The following ETV6 variants were observed in gnomAD, a reference collection of about 807,000 sequenced individuals.
The protein encoded by ETV6 is ETS variant transcription factor 6, also known as transcription factor ETV6.
A neutral mutation model predicts 51.1 loss-of-function variants in ETV6; 16 were observed. The ratio of observed to expected loss-of-function variants is 0.31; its 90% CI spans 0.21 to 0.48. The LOEUF (loss-of-function observed/expected upper bound fraction) is 0.48, where lower values mean the gene tolerates loss of function less well. ETV6 is among the 20% of genes least tolerant of loss of function. ETV6 has a pLI of 0.99. For missense variants in ETV6, 458 were observed against 594.8 expected, an observed-to-expected ratio of 0.77 and a Z score of 2.39; for synonymous variants, 240 against 224.1, an observed-to-expected ratio of 1.07 and a Z score of -0.64.
At chr12:11,868,421 TTTTTTTC>T (rs1476635021) in intron 4 of ETV6, among the ~76,000 whole-genome samples, 1 of 145,310 alleles carries the variant, frequency 6.9e-6, no homozygotes, top group Non-Finnish European at 1.5e-5. Flanking sequence ...AGGTTGGGGG[TTTTTTTC>T]TTTTTTCTTC....
chr12:11,723,198 T>A (rs1865424277), intron 1 of ETV6, among the ~76,000 whole-genome samples: 1 of 152,236 alleles, frequency 6.6e-6, no homozygotes, highest in Admixed American at 6.5e-5. Flanking sequence ...TAATATGTGA[T>A]AAGCCCTTAG....
At chr12:11,743,217 T>C (rs1296273254) in intron 1 of ETV6, among the ~76,000 whole-genome samples, 1 of 152,196 alleles carries the variant, frequency 6.6e-6, no homozygotes, top group African/African-American at 2.4e-5. Flanking sequence ...TTACGTTGCT[T>C]TTTAAGTACA....
chr12:11,822,672 T>G lies in ETV6; in HGVS notation c.164-16468T>G, dbSNP rs1326200136. 2.6e-5 allele frequency among the ~76,000 whole-genome samples: 4 copies of G among 152,244 alleles called. No individual in the cohort carries two copies. In the East Asian group the frequency reaches 7.7e-4, roughly 29 times the overall value. On this transcript the variant is annotated intron_variant, in intron 2 of 7. Transcript: ENST00000396373. ...CTAATTTGGGCATTACTAATTCAGA[T>G]GCCTATTCAGGCAAATGAGCAATGA...
chr12:11,765,470 T>C (rs1384272251), intron 2 of ETV6, among the ~76,000 whole-genome samples: 1 of 152,202 alleles, frequency 6.6e-6, no homozygotes, highest in African/African-American at 2.4e-5. Context: ...CTTTTTTTTT[T>C]TTAATGAAGT....
chr12:11,857,705 T>C (rs1026606192), intron 4 of ETV6, among the ~76,000 whole-genome samples: 15 of 152,150 alleles, frequency 9.9e-5, no homozygotes, highest in African/African-American at 3.4e-4. Context: ...TGTGTGAGTA[T>C]GTATGTATAT....
intron 1 of ETV6, among the ~76,000 whole-genome samples, chr12:11,667,202 GA>G (rs1864210911): frequency 6.6e-6 from 1 of 152,216 alleles, no homozygotes; most frequent in African/African-American, 2.4e-5. Flanking sequence ...AAGGCCGATG[GA>G]TAGTAGTTGA....
chr12:11,669,072 C>A (rs1339596558), intron 1 of ETV6, among the ~76,000 whole-genome samples: 1 of 152,218 alleles, frequency 6.6e-6, no homozygotes, highest in African/African-American at 2.4e-5. Context: ...GCACACATAT[C>A]TTTTTAAAAG....
Position 11,832,275 on chromosome 12 carries a change from T to C in ETV6, c.164-6865T>C, listed in dbSNP as rs141776397. 4.0e-4 allele frequency among the ~76,000 whole-genome samples: 61 copies of C among 152,320 alleles called. No individual in the cohort carries two copies. In the East Asian group the frequency reaches 0.011, roughly 27 times the overall value. Reference sequence around the variant, plus strand: ...TTCTCTCTCCCATGAAGGAGAATGATTGTCAGACTGAAACAGGTAGTGCAA... The same window carrying C: ...TTCTCTCTCCCATGAAGGAGAATGACTGTCAGACTGAAACAGGTAGTGCAA... On this transcript the variant is annotated intron_variant, in intron 2 of 7. Coordinates refer to ENST00000396373, the MANE Select transcript of ETV6 (RefSeq NM_001987.5).
At chr12:11,692,436 A>G (rs939332877) in intron 1 of ETV6, among the ~76,000 whole-genome samples, 4 of 152,134 alleles carry the variant, frequency 2.6e-5, no homozygotes, top group Non-Finnish European at 2.9e-5. Flanking sequence ...GACGGACTAC[A>G]TATCTTATTT....
At chr12:11,760,878 ATGTGTGTGTGTG>A (rs59373097) in intron 2 of ETV6, among the ~76,000 whole-genome samples, 20 of 148,524 alleles carry the variant, frequency 1.3e-4, no homozygotes, top group Admixed American at 2.7e-4. Flanking sequence ...TATTATATAT[ATGTGTGTGTGTG>A]TGTGTGTGTG....
At chr12:11,871,308 C>T (rs971835705) in intron 5 of ETV6, among the ~76,000 whole-genome samples, 2 of 151,836 alleles carry the variant, frequency 1.3e-5, no homozygotes, top group African/African-American at 2.4e-5. Context: ...CCTGCCTCAG[C>T]CTCCTGAGTA....
At chr12:11,870,516 GC>G (rs1314886524) in intron 5 of ETV6, among the ~76,000 whole-genome samples, 1 of 152,094 alleles carries the variant, frequency 6.6e-6, no homozygotes, top group Non-Finnish European at 1.5e-5. Context: ...ATTATAAGAA[GC>G]CCAAATTTGC....
intron 4 of ETV6, among the ~76,000 whole-genome samples, chr12:11,867,659 A>G (rs933471190): frequency 5.3e-5 from 8 of 152,208 alleles, no homozygotes; most frequent in Non-Finnish European, 8.8e-5. Context: ...TACTGACCCT[A>G]TCAAATTACG....
intron 4 of ETV6, among the ~76,000 whole-genome samples, chr12:11,860,698 CCT>C (rs973983665): frequency 2.0e-5 from 3 of 152,044 alleles, no homozygotes; most frequent in Non-Finnish European, 4.4e-5. Context: ...TGTTTCCCCC[CCT>C]CTGTTTGTGT....
At chr12:11,651,991 G>C (rs1863915856) in intron 1 of ETV6, among the ~76,000 whole-genome samples, 1 of 152,182 alleles carries the variant, frequency 6.6e-6, no homozygotes, top group African/African-American at 2.4e-5. Context: ...GAGTACAACA[G>C]TCCCTTGCCT....
chr12:11,807,757 G>A (rs539904443), intron 2 of ETV6, among the ~76,000 whole-genome samples: 9 of 152,288 alleles, frequency 5.9e-5, no homozygotes, highest in African/African-American at 2.2e-4. Flanking sequence ...CCTGTCTAGA[G>A]GTGTCTGTTA....
chr12:11,886,576 T>C (rs1462716018), intron 7 of ETV6, among the ~76,000 whole-genome samples: 1 of 152,160 alleles, frequency 6.6e-6, no homozygotes, highest in Admixed American at 6.5e-5. Flanking sequence ...TCCAGGTGTG[T>C]ATGTACGTGA....
chr12:11,702,875 C>G (rs1865010072), intron 1 of ETV6, among the ~76,000 whole-genome samples: 1 of 152,186 alleles, frequency 6.6e-6, no homozygotes, highest in Non-Finnish European at 1.5e-5. Flanking sequence ...GGAGGCTGAG[C>G]CGGGTAGATC....
rs1214764482 is a variant in ETV6 at position 11,859,010 on chromosome 12, AC to A, written c.463+5453del. ...TGATTGCTTTATTGAGGGGAATCGT[AC>A]CCCTCCTGCCCCACCACCAAACCCA... On this transcript the variant is annotated intron_variant, in intron 4 of 7. Coordinates refer to ENST00000396373, the MANE Select transcript of ETV6 (RefSeq NM_001987.5). Among the ~76,000 whole-genome samples, 3 of 149,524 alleles carry A rather than the reference AC, an allele frequency of 2.0e-5. No individual in the cohort carries two copies. The South Asian group carries it at 6.3e-4, about 32-fold the overall frequency.
Sources: gnomAD v4.1 joint callset for allele counts (sites outside exome capture counted in the v4.1 genomes callset) on GRCh38, gnomAD v4.1.1 for gene constraint, MANE v1.5 for transcripts, NCBI Gene and HGNC (gene_info 2026-07-23, HGNC 2026-07-21) for gene names.